Variants in SERHL2 observed in about 807,000 individuals in gnomAD.
SERHL2 encodes serine hydrolase-like protein 2.
A neutral mutation model predicts 25.5 loss-of-function variants in SERHL2; 29 were observed. The observed-to-expected ratio is 1.14, with a 90% CI of 0.85 to 1.55. SERHL2 has a LOEUF of 1.55. SERHL2 is among the 40% of genes most tolerant of loss of function. The pLI, the probability that SERHL2 is intolerant of heterozygous loss-of-function variation, is 0.00. For synonymous variants in SERHL2, 95 were observed against 103.5 expected, an observed-to-expected ratio of 0.92 and a Z score of 0.50; for missense variants, 240 against 252.3, an observed-to-expected ratio of 0.95 and a Z score of 0.33.
rs1924705206 is a variant in SERHL2, at chr22:42,574,379, C to G, written c.*324C>G. 2 of 501,522 alleles carry G rather than the reference C, an allele frequency of 4.0e-6. No individual in the cohort carries two copies. The highest frequency in any genetic ancestry group is 3.9e-5 in the African/African-American group (2 of 51,816). 31.1% of individuals were successfully genotyped at this position (501,522 alleles called of 1,614,324 possible). ...ATGGAAAATAAAAGGTTCTTGTATT[C>G]TCACTGCTTTTGAGGCTTTTTTGTT... On this transcript the variant is annotated 3_prime_UTR_variant, in exon 12 of 12. Coordinates refer to ENST00000327678, the MANE Select transcript of SERHL2 (RefSeq NM_014509.5).
Position 42,574,342 on chromosome 22 carries a change from C to T in SERHL2, c.*287C>T. 1 of 520,338 alleles carries T rather than the reference C, an allele frequency of 1.9e-6. No individual in the cohort carries two copies. The allele number at this position is 520,338 out of a possible 1,614,324, so 32.2% of individuals were successfully genotyped here. A position where few individuals can be genotyped will look rare whatever the true frequency, so the allele number is the denominator to read the frequency against. ...GCTGGGCCCACCTAGCCTTTCCCTG[C>T]TGCCCAACTGGATGGAAAATAAAAG... On this transcript the variant is annotated 3_prime_UTR_variant, in exon 12 of 12. Transcript: ENST00000327678.
chr22:42,568,096 C>T (rs886756778), intron 9 of SERHL2, among the ~76,000 whole-genome samples: 4 of 151,938 alleles, frequency 2.6e-5, no homozygotes, highest in African/African-American at 9.7e-5. Flanking sequence ...TCAATTATGG[C>T]TCACACAGCT....
At chr22:42,566,063 C>A (rs547687463) in intron 8 of SERHL2, among the ~76,000 whole-genome samples, 1 of 152,070 alleles carries the variant, frequency 6.6e-6, no homozygotes, top group African/African-American at 2.4e-5. Flanking sequence ...CTGCACCGGC[C>A]CTTTGGGGTG....
intron 9 of SERHL2, chr22:42,569,013 C>G (rs1455663923): frequency 4.0e-5 from 6 of 151,796 alleles, no homozygotes. Context: ...TCCCAAGTAG[C>G]TGAGATTACA....
chr22:42,562,857 C>A (rs1332243987), intron 8 of SERHL2, among the ~76,000 whole-genome samples: 1 of 151,944 alleles, frequency 6.6e-6, no homozygotes, highest in Non-Finnish European at 1.5e-5. Context: ...GGGAGGGGCC[C>A]ACTCTGCCTG....
chr22:42,562,326 C>T (rs1222551683), intron 8 of SERHL2, among the ~76,000 whole-genome samples: 1 of 151,872 alleles, frequency 6.6e-6, no homozygotes, highest in Non-Finnish European at 1.5e-5. Context: ...CTGATTCCTC[C>T]AGAATCTGGA....
At chr22:42,564,741 C>T (rs1018015962) in intron 8 of SERHL2, among the ~76,000 whole-genome samples, 8 of 151,908 alleles carry the variant, frequency 5.3e-5, no homozygotes, top group Non-Finnish European at 2.9e-5. Flanking sequence ...TGAGGATTTT[C>T]GCATCTGACG....
chr22:42,567,272 T>C (rs969527665), intron 9 of SERHL2, among the ~76,000 whole-genome samples: 6 of 152,062 alleles, frequency 3.9e-5, no homozygotes, highest in African/African-American at 1.4e-4. Context: ...TCTGGGAATG[T>C]TAACGTGTTT....
At chr22:42,565,747 C>T (rs970576770) in intron 8 of SERHL2, among the ~76,000 whole-genome samples, 2 of 151,912 alleles carry the variant, frequency 1.3e-5, no homozygotes, top group Non-Finnish European at 2.9e-5. Flanking sequence ...TGACCTCCTG[C>T]TATTCTTACC....
chr22:42,554,192 C>A, intron 1 of SERHL2, 150 bp downstream of exon 1: 2 of 974,570 alleles, frequency 2.1e-6, no homozygotes, highest in Non-Finnish European at 3.1e-6. Context: ...GGCATGAGAG[C>A]GCGACCGGCC....
rs761590862 is a variant in SERHL2 at position 42,560,178 on chromosome 22, C to A, written c.534-8C>A. On this transcript the variant is annotated splice_polypyrimidine_tract_variant and splice_region_variant and intron_variant, in intron 7 of 11. Transcript: ENST00000327678. ...CCAGGCACCCAGCATCCTTCTGTCTCCCCCCAGGTTACTGAAGAGCAATAG... is the reference window on the plus strand; with the variant it reads ...CCAGGCACCCAGCATCCTTCTGTCTACCCCCAGGTTACTGAAGAGCAATAG... 1 of 1,606,546 alleles carries A rather than the reference C, an allele frequency of 6.2e-7. No individual in the cohort carries two copies. Among genetic ancestry groups the A allele is most frequent in the Non-Finnish European group, 8.5e-7 (1 of 1,173,524 alleles).
intron 11 of SERHL2, chr22:42,573,556 G>A (rs562306109): frequency 1.3e-4 from 28 of 219,082 alleles, no homozygotes; most frequent in African/African-American, 3.7e-4. Flanking sequence ...CACTGCGCCC[G>A]GCCCTGTCTG....
chr22:42,563,490 C>T (rs993936675), intron 8 of SERHL2: 7 of 398,756 alleles, frequency 1.8e-5, no homozygotes, highest in Non-Finnish European at 3.6e-5. Context: ...AGGTGTGAGT[C>T]ACCATGCCCA....
intron 8 of SERHL2, among the ~76,000 whole-genome samples, 170 bp downstream of exon 8, chr22:42,560,435 T>A (rs945140269): frequency 6.6e-6 from 1 of 151,918 alleles, no homozygotes; most frequent in Non-Finnish European, 1.5e-5. Flanking sequence ...AAACCAAGGC[T>A]CAGCATTGCC....
chr22:42,562,619 G>T (rs1211369729), intron 8 of SERHL2, among the ~76,000 whole-genome samples: 1 of 151,866 alleles, frequency 6.6e-6, no homozygotes, highest in Admixed American at 6.6e-5. Context: ...AGGAAGGTCT[G>T]GGTGGGCCTC....
rs372394299 is a variant in SERHL2 at position 42,571,328 on chromosome 22, G to T, written c.731+125G>T. The T allele has an allele frequency of 5.3e-6, 8 of 1,513,474 alleles. No homozygotes were observed. In the East Asian group the frequency reaches 7.5e-5, roughly 14 times the overall value. 93.8% of individuals were successfully genotyped at this position (1,513,474 alleles called of 1,614,324 possible). A position where few individuals can be genotyped will look rare whatever the true frequency, so the allele number is the denominator to read the frequency against. ...TGTCGACCACATCGCTAAGGCTCAAGATCTTTTTTGGGAAGCCCCCCTGGC... is the reference window on the plus strand; with the variant it reads ...TGTCGACCACATCGCTAAGGCTCAATATCTTTTTTGGGAAGCCCCCCTGGC... On this transcript the variant is annotated intron_variant, in intron 10 of 11. Coordinates refer to ENST00000327678, the MANE Select transcript of SERHL2 (RefSeq NM_014509.5).
intron 8 of SERHL2, among the ~76,000 whole-genome samples, chr22:42,564,595 C>T (rs1181231676): frequency 1.3e-5 from 2 of 151,618 alleles, no homozygotes; most frequent in Non-Finnish European, 2.9e-5. Context: ...CCATGCCTGG[C>T]TAATTTTTGT....
intron 9 of SERHL2, among the ~76,000 whole-genome samples, chr22:42,567,358 T>G (rs1923534560): frequency 6.6e-6 from 1 of 152,126 alleles, no homozygotes; most frequent in African/African-American, 2.4e-5. Context: ...TTTTTCTTTT[T>G]TGTGTTTTAA....
rs948287094 is a variant in SERHL2 at position 42,566,804 on chromosome 22, T to C, written c.648+466T>C. 2.6e-5 allele frequency among the ~76,000 whole-genome samples: 4 copies of C among 152,158 alleles called. No individual in the cohort carries two copies. The South Asian group carries it at 8.3e-4, about 31-fold the overall frequency. On this transcript the variant is annotated intron_variant, in intron 9 of 11. Transcript: ENST00000327678. The stretch of plus-strand genomic sequence containing the variant: ...AGGGGAGGGGCAGGATGACAAAGGT[T>C]CTCAAAAAACAGCGTCCCATCTGGA...
Sources: allele counts gnomAD v4.1 joint callset (sites outside exome capture counted in the v4.1 genomes callset), GRCh38; gene constraint gnomAD v4.1.1; transcripts MANE v1.5; gene names NCBI Gene and HGNC (gene_info 2026-07-23, HGNC 2026-07-21).